Variants in CDH13 observed in about 807,000 individuals in gnomAD.
CDH13 encodes the protein cadherin 13, also known as cadherin-13.
In CDH13, 24 loss-of-function variants were observed where a neutral mutation model predicts 63.8. That is an observed-to-expected ratio of 0.38 (90% CI 0.27 to 0.53). CDH13 has a LOEUF of 0.53. Ranked by LOEUF, CDH13 falls within the 20% of genes least tolerant of loss-of-function variation. CDH13 has a pLI of 0.85. For missense variants in CDH13, 1,049 were observed against 903.1 expected (o/e 1.16, Z -2.07); for synonymous variants, 503 against 355.3 (o/e 1.42, Z -4.67).
At chr16:83,332,426 C>T (rs1201548073) in intron 5 of CDH13, among the ~76,000 whole-genome samples, 2 of 151,964 alleles carry the variant, frequency 1.3e-5, no homozygotes, top group Non-Finnish European at 1.5e-5. Context: ...TGATAAAACA[C>T]ATTTTAACAC....
intron 10 of CDH13, among the ~76,000 whole-genome samples, chr16:83,711,801 C>T (rs952484549): frequency 6.6e-6 from 1 of 152,246 alleles, no homozygotes; most frequent in Non-Finnish European, 1.5e-5. Context: ...CAGGCGTGAG[C>T]CACCACACCC....
At position 83,055,292 on chromosome 16, in the gene CDH13, G is replaced by A. The variant is rs139068593; in HGVS notation, c.366+23074G>A. Among the ~76,000 whole-genome samples, 252 of 151,648 alleles carry A rather than the reference G, an allele frequency of 1.7e-3. 2 individuals carry two copies. The highest frequency in any genetic ancestry group is 5.8e-3 in the African/African-American group (242 of 41,418). On this transcript the variant is annotated intron_variant, in intron 3 of 13. Transcript: ENST00000567109. ...TAACAAAAATACAATTTATAACATAGAAAGTAGACATGCAAGAGGATAAGT... is the reference window on the plus strand; with the variant it reads ...TAACAAAAATACAATTTATAACATAAAAAGTAGACATGCAAGAGGATAAGT...
At chr16:83,320,402 T>C (rs1396218023) in intron 5 of CDH13, among the ~76,000 whole-genome samples, 1 of 152,126 alleles carries the variant, frequency 6.6e-6, no homozygotes, top group African/African-American at 2.4e-5. Context: ...CCAAGACCAA[T>C]CTAGGAAAAG....
chr16:83,392,012 C>T (rs956066299), intron 6 of CDH13, among the ~76,000 whole-genome samples: 2 of 152,120 alleles, frequency 1.3e-5, no homozygotes, highest in Admixed American at 1.3e-4. Context: ...CCATGCATCG[C>T]GGGGTGTCTA....
At position 83,215,073 on chromosome 16, in the gene CDH13, C is replaced by CTTTTTTTTTTTTTTTTTTTTTTTTT. The variant is rs571565652; in HGVS notation, c.484-2251_484-2250insTTTTTTTTTTTTTTTTTTTTTTTTT. On this transcript the variant is annotated intron_variant, in intron 4 of 13. Transcript: ENST00000567109. ...TTTCATCAGAGAGTATCAAACACCT[C>CTTTTTTTTTTTTTTTTTTTTTTTTT]TTTTTTTTTTTTTTTTTTTTTGAGA... 2.0e-4 allele frequency among the ~76,000 whole-genome samples: 11 copies of CTTTTTTTTTTTTTTTTTTTTTTTTT among 56,240 alleles called. 3 individuals are homozygous for CTTTTTTTTTTTTTTTTTTTTTTTTT. Among genetic ancestry groups the CTTTTTTTTTTTTTTTTTTTTTTTTT allele is most frequent in the African/African-American group, 7.2e-4 (10 of 13,910 alleles). The allele number at this position is 56,240 out of a possible 152,430, so 36.9% of individuals were successfully genotyped here. A position where few individuals can be genotyped will look rare whatever the true frequency, so the allele number is the denominator to read the frequency against.
chr16:83,430,030 T>A (rs1220674639), intron 6 of CDH13, among the ~76,000 whole-genome samples: 2 of 152,208 alleles, frequency 1.3e-5, no homozygotes, highest in African/African-American at 4.8e-5. Flanking sequence ...CTCATCTAAG[T>A]TGATCTGGTA....
chr16:83,278,443 T>G (rs2089060655), intron 5 of CDH13, among the ~76,000 whole-genome samples: 1 of 152,194 alleles, frequency 6.6e-6, no homozygotes, highest in Non-Finnish European at 1.5e-5. Context: ...AATGAATGGC[T>G]TGGAGGACGT....
intron 2 of CDH13, among the ~76,000 whole-genome samples, chr16:82,898,433 G>A (rs1389148254): frequency 6.6e-6 from 1 of 152,216 alleles, no homozygotes; most frequent in African/African-American, 2.4e-5. Flanking sequence ...GTGGAGACAG[G>A]AGAATTACTT....
intron 8 of CDH13, among the ~76,000 whole-genome samples, chr16:83,648,986 A>C (rs1157276373): frequency 6.6e-6 from 1 of 152,174 alleles, no homozygotes; most frequent in Non-Finnish European, 1.5e-5. Context: ...GGCAATTCCC[A>C]CTGGGGAACT....
At chr16:82,843,592 G>A (rs974115654) in intron 1 of CDH13, among the ~76,000 whole-genome samples, 17 of 152,240 alleles carry the variant, frequency 1.1e-4, no homozygotes, top group African/African-American at 4.1e-4. Context: ...AGCTTAACAA[G>A]ATAGACATTT....
chr16:83,490,704 G>C (rs2073994728), intron 7 of CDH13, among the ~76,000 whole-genome samples: 1 of 152,208 alleles, frequency 6.6e-6, no homozygotes, highest in Non-Finnish European at 1.5e-5. Context: ...GTTGAGAGTT[G>C]AAAGGCGGGA....
intron 1 of CDH13, among the ~76,000 whole-genome samples, chr16:82,672,197 A>C (rs1913333481): frequency 6.6e-6 from 1 of 152,212 alleles, no homozygotes; most frequent in Non-Finnish European, 1.5e-5. Flanking sequence ...AATCTGTAAA[A>C]CAGGAATAAA....
intron 8 of CDH13, among the ~76,000 whole-genome samples, chr16:83,648,769 C>G (rs765416508): frequency 6.6e-6 from 1 of 152,110 alleles, no homozygotes; most frequent in Non-Finnish European, 1.5e-5. Context: ...TCTCCCTCTC[C>G]CCATCTCTGT....
At chr16:82,865,093 C>T (rs2040080093) in intron 2 of CDH13, among the ~76,000 whole-genome samples, 1 of 152,240 alleles carries the variant, frequency 6.6e-6, no homozygotes, top group South Asian at 2.1e-4. Flanking sequence ...GGTGGGTTCT[C>T]ACAGTCTTGG....
At chr16:82,717,975 G>T (rs185369180) in intron 1 of CDH13, among the ~76,000 whole-genome samples, 4 of 152,286 alleles carry the variant, frequency 2.6e-5, no homozygotes, top group African/African-American at 9.6e-5. Context: ...AATGAGACCT[G>T]ACCCATTCTG....
At chr16:82,869,812 C>T (rs2151186392) in intron 2 of CDH13, among the ~76,000 whole-genome samples, 1 of 152,208 alleles carries the variant, frequency 6.6e-6, no homozygotes, top group South Asian at 2.1e-4. Context: ...TATCTCTTGC[C>T]ATATACAAAA....
intron 4 of CDH13, among the ~76,000 whole-genome samples, chr16:83,149,660 G>C (rs563738658): frequency 6.6e-6 from 1 of 152,252 alleles, no homozygotes. Context: ...AGTTACACTG[G>C]TTTCTAAAAG....
chr16:83,130,536 T>C (rs904567342), intron 4 of CDH13, among the ~76,000 whole-genome samples: 24 of 152,260 alleles, frequency 1.6e-4, no homozygotes, highest in Non-Finnish European at 4.4e-5. Context: ...AATAGATCGA[T>C]ATCTGATATG....
At chr16:83,752,533 TC>T (rs1389841921) in intron 11 of CDH13, among the ~76,000 whole-genome samples, 2 of 152,236 alleles carry the variant, frequency 1.3e-5, no homozygotes, top group African/African-American at 4.8e-5. Context: ...GGTCTAAACT[TC>T]CGCCATACCA....
Sources: allele counts gnomAD v4.1 joint callset (sites outside exome capture counted in the v4.1 genomes callset), GRCh38; gene constraint gnomAD v4.1.1; transcripts MANE v1.5; gene names NCBI Gene and HGNC (gene_info 2026-07-23, HGNC 2026-07-21).